Variants in LSS observed in about 807,000 individuals in gnomAD.
LSS encodes 2,3-epoxysqualene-lanosterol cyclase.
A neutral mutation model predicts 110.3 loss-of-function variants in LSS; 90 were observed. The ratio of observed to expected loss-of-function variants is 0.82; its 90% CI spans 0.69 to 0.97. LSS has a LOEUF of 0.97. LSS is among the 50% of genes least tolerant of loss of function. LSS has a pLI of 0.00. For missense variants in LSS, 927 were observed against 990.0 expected, an observed-to-expected ratio of 0.94 and a Z score of 0.85; for synonymous variants, 433 against 400.0, an observed-to-expected ratio of 1.08 and a Z score of -0.98.
In LSS at chr21:46,221,911, C is replaced by T; in HGVS notation, c.493G>A (p.Gly165Ser). 6.2e-7 allele frequency: 1 copy of T among 1,614,140 alleles called. No individual in the cohort carries two copies. The highest frequency in any genetic ancestry group is 8.5e-7 in the Non-Finnish European group (1 of 1,180,018). The change falls in exon 5 of 22, where the codon GGT (glycine) becomes AGT (serine). Residue 165 changes from glycine (G) to serine (S), a missense_variant. Transcript: ENST00000397728. ...AGGTCAGGATCGTCAGGCCCAACAC[C>T]CAGAATTCTGAGAGACACATAGTTG... is the stretch of plus-strand genomic sequence containing the variant. ...ALNYVSLRILGVGPDDPDLVR... is the reference protein window; with the variant it reads ...ALNYVSLRILSVGPDDPDLVR...
In LSS at chr21:46,191,060, C is replaced by T. The variant is rs2079804885; in HGVS notation, c.*44G>A. ...CCCCAACCCGGCCAGGACCCCTTGG[C>T]CTCACTGGAACGCACAGACGGCACC... is the stretch of plus-strand genomic sequence containing the variant. On this transcript the variant is annotated 3_prime_UTR_variant, in exon 22 of 22. Coordinates refer to ENST00000397728, the MANE Select transcript of LSS (RefSeq NM_002340.6). 1 of 1,610,744 alleles carries T rather than the reference C, an allele frequency of 6.2e-7. No individual in the cohort carries two copies. Among genetic ancestry groups the T allele is most frequent in the African/African-American group, 1.3e-5 (1 of 74,860 alleles).
intron 15 of LSS, 22 bp downstream of exon 15, chr21:46,207,406 G>A: frequency 6.2e-7 from 1 of 1,609,628 alleles, no homozygotes. Flanking sequence ...TATGGACGGG[G>A]CTGCTGGGAC....
Position 46,195,772 on chromosome 21 carries a change from G to C in LSS, c.1737-16C>G, listed in dbSNP as rs1601414978. ...TCCCCAGGAGCTGGAGGGAAACAGG[G>C]AGAGCCTCAGCCCTTCCACCCTGTT... On this transcript the variant is annotated splice_polypyrimidine_tract_variant and intron_variant, in intron 18 of 21. Coordinates refer to ENST00000397728, the MANE Select transcript of LSS (RefSeq NM_002340.6). The C allele has an allele frequency of 1.2e-6, 2 of 1,608,600 alleles. No individual in the cohort carries two copies. The highest frequency in any genetic ancestry group is 1.3e-5 in the African/African-American group (1 of 74,858).
chr21:46,191,064 A>C lies in LSS; in HGVS notation c.*40T>G. The C allele has an allele frequency of 6.2e-7, 1 of 1,612,094 alleles. No individual in the cohort carries two copies. The highest frequency in any genetic ancestry group is 8.5e-7 in the Non-Finnish European group (1 of 1,178,966). ...AACCCGGCCAGGACCCCTTGGCCTC[A>C]CTGGAACGCACAGACGGCACCCAGC... On this transcript the variant is annotated 3_prime_UTR_variant, in exon 22 of 22. Coordinates refer to ENST00000397728, the MANE Select transcript of LSS (RefSeq NM_002340.6).
At position 46,228,472 on chromosome 21, in the gene LSS, G is replaced by C; in HGVS notation, c.142C>G (p.Gln48Glu). 6.2e-7 allele frequency: 1 copy of C among 1,603,540 alleles called. No individual in the cohort carries two copies. The highest frequency in any genetic ancestry group is 8.5e-7 in the Non-Finnish European group (1 of 1,179,592). ...AGGGCGTAGGCTTCCAGGCCGGTCT[G>C]CTCGCGGCCGGCGCGCTCGTCCTGC... ...YLQDERAGRE[Q>E]TGLEAYALGL... is the part of the protein sequence containing the mutation. Residue 48 changes from glutamine to glutamate, a missense_variant, in exon 2 of 22, where the codon CAG becomes GAG. By Grantham distance (29) the Gln-to-Glu change is conservative. Transcript: ENST00000397728.
At chr21:46,213,931 A>G in intron 9 of LSS, 96 bp from the exon 10 acceptor site, 1 of 848,678 alleles carries the variant, frequency 1.2e-6, no homozygotes, top group East Asian at 2.6e-5. Flanking sequence ...CCCCAGGCAT[A>G]AAGTGCCGTG....
At chr21:46,226,143 A>T (rs2080337439) in intron 3 of LSS, among the ~76,000 whole-genome samples, 1 of 152,014 alleles carries the variant, frequency 6.6e-6, no homozygotes, top group Non-Finnish European at 1.5e-5. Context: ...CTCAAAAAAA[A>T]AAAAAAAATA....
chr21:46,209,623 C>A lies in LSS; in HGVS notation c.1197G>T (p.Ala399=), dbSNP rs767708407. 1.2e-6 allele frequency: 2 copies of A among 1,606,106 alleles called. No individual in the cohort carries two copies. Among genetic ancestry groups the A allele is most frequent in the Non-Finnish European group, 1.7e-6 (2 of 1,176,980 alleles). ...AAAACTCGGGCCTGTGGTGCCCGCC[C>A]GCCTGGAAGAGACAGCAGGACAGAG... ...TAFAIQALLE[A]GGHHRPEFSS... Residue 399 remains alanine (A), a splice_region_variant and synonymous_variant, in exon 13 of 22, where the codon GCG becomes GCT. Transcript: ENST00000397728. This position sits in a 1 kb window ranked among gnomAD's most constrained non-coding sequence, Gnocchi z 4.4.
rs1383462715 is a variant in LSS, at chr21:46,216,457, G to T, written c.715C>A (p.Pro239Thr). Residue 239 changes from proline to threonine, a missense_variant, in exon 7 of 22, where the codon CCC becomes ACC. Physicochemically the swap from Pro to Thr is conservative, Grantham distance 38 (BLOSUM62 -1). Transcript: ENST00000397728. This position sits in a 1 kb window ranked among gnomAD's most constrained non-coding sequence, Gnocchi z 4.2. ...CGAACGGCGTAGCAGTAGCTCATGG[G>T]CAGGTACACCTGCCGGCAGTGGCAC... ...LWCHCRQVYL[P>T]MSYCYAVRLS... 5 of 1,613,754 alleles carry T rather than the reference G, an allele frequency of 3.1e-6. No homozygotes were observed. In the South Asian group the frequency reaches 3.3e-5, roughly 11 times the overall value.
intron 17 of LSS, 187 bp from the exon 18 acceptor site, chr21:46,196,454 C>T (rs1001398001): frequency 1.7e-6 from 1 of 588,248 alleles, no homozygotes; most frequent in East Asian, 2.8e-5. Context: ...GAGCGGGAAG[C>T]GGATTGGCAG....
At chr21:46,213,107 T>C (rs1036808517) in intron 10 of LSS, 55 bp from the exon 11 acceptor site, 8 of 1,564,522 alleles carry the variant, frequency 5.1e-6, no homozygotes, top group Non-Finnish European at 7.0e-6. Flanking sequence ...GAAGCCCAGC[T>C]GCTACCCAGA....
At chr21:46,223,229 C>G (rs897462918) in intron 3 of LSS, among the ~76,000 whole-genome samples, 4 of 152,202 alleles carry the variant, frequency 2.6e-5, no homozygotes, top group Non-Finnish European at 4.4e-5. Context: ...TTTTTACAAG[C>G]ATATGCCGCT....
At chr21:46,206,032 T>C in intron 16 of LSS, 91 bp from the exon 17 acceptor site, 1 of 1,013,072 alleles carries the variant, frequency 9.9e-7, no homozygotes, top group Non-Finnish European at 1.5e-6. Flanking sequence ...GCAAGAGTGT[T>C]GCAGTGAGCC....
rs1214556733 is a variant in LSS at position 46,191,227 on chromosome 21, A to G, written c.2076T>C (p.Ile692=). The change falls in exon 22 of 22, where the codon ATT becomes ATC. Residue 692 remains isoleucine, a synonymous_variant. Transcript: ENST00000397728. Reference sequence around the variant, plus strand: ...CACAGGACTTGTTGAAGACCCCAGCAATGTTTTCCTAAAAGAACACAGAGA... The same window carrying G: ...CACAGGACTTGTTGAAGACCCCAGCGATGTTTTCCTAAAAGAACACAGAGA... ...LPNGDWPQEN[I]AGVFNKSCAI... 2 of 1,613,922 alleles carry G rather than the reference A, an allele frequency of 1.2e-6. No individual in the cohort carries two copies. Among genetic ancestry groups the G allele is most frequent in the East Asian group, 2.2e-5 (1 of 44,888 alleles).
rs548315586 is a variant in LSS, at chr21:46,218,693, GTA to G, written c.647+781_647+782del. Among the ~76,000 whole-genome samples, 33 of 150,826 alleles carry G rather than the reference GTA, an allele frequency of 2.2e-4. No individual in the cohort carries two copies. The Middle Eastern group carries it at 0.011, about 49-fold the overall frequency. On this transcript the variant is annotated intron_variant, in intron 6 of 21. Transcript: ENST00000397728. ...GTTGATTTTGCTGGGTATTTAAACA[GTA>G]TGTGGTTCTGTTTAAAAAAACAAAC...
intron 5 of LSS, among the ~76,000 whole-genome samples, chr21:46,220,769 AGGGGCTTGGAGAGGTAGCCAGGCC>A (rs941804980): frequency 2.7e-5 from 4 of 148,378 alleles, no homozygotes; most frequent in African/African-American, 5.2e-5. Context: ...AGAGGTAGCC[AGGGGCTTGGAGAGGTAGCCAGGCC>A]GGGGCTTGGA....
intron 17 of LSS, among the ~76,000 whole-genome samples, chr21:46,201,129 G>A (rs554028845): frequency 1.4e-5 from 2 of 138,328 alleles, no homozygotes; most frequent in Non-Finnish European, 3.0e-5. Flanking sequence ...TCATGTGGGA[G>A]GAAGGGTCAT....
Position 46,191,901 on chromosome 21 carries a change from G to T in LSS, c.2047C>A (p.Pro683Thr). The T allele has an allele frequency of 6.2e-7, 1 of 1,613,592 alleles. No individual in the cohort carries two copies. The highest frequency in any genetic ancestry group is 1.3e-5 in the African/African-American group (1 of 75,044). ...GVRCLLEKQL[P>T]NGDWPQENIA... is the part of the protein sequence containing the mutation. ...CATACCTGCGGCCAGTCGCCATTGG[G>T]GAGCTGTTTCTCAAGTAGACACCGG... The change falls in exon 21 of 22, where the codon CCC becomes ACC. Residue 683 changes from proline (P) to threonine (T), a missense_variant. Transcript: ENST00000397728.
At chr21:46,222,223 G>C (rs1046215728) in intron 4 of LSS, 2 of 559,002 alleles carry the variant, frequency 3.6e-6, no homozygotes, top group African/African-American at 3.8e-5. Context: ...CCACGCCTGA[G>C]TCAACACTTC....
Sources: allele counts gnomAD v4.1 joint callset (sites outside exome capture counted in the v4.1 genomes callset), GRCh38; gene constraint gnomAD v4.1.1; non-coding constraint Gnocchi (gnomAD v3.1); transcripts MANE v1.5; gene names NCBI Gene and HGNC (gene_info 2026-07-23, HGNC 2026-07-21).